The following PDE1A variants were observed in gnomAD, a reference collection of about 807,000 sequenced individuals.
PDE1A encodes dual specificity calcium/calmodulin-dependent 3',5'-cyclic nucleotide phosphodiesterase 1A.
PDE1A carries 35 observed loss-of-function variants against 61.7 expected under a neutral mutation model. That is an observed-to-expected ratio of 0.57 (90% CI 0.43 to 0.75). The LOEUF is 0.75. Ranked by LOEUF, PDE1A falls within the 30% of genes least tolerant of loss-of-function variation. The pLI, the probability that PDE1A is intolerant of heterozygous loss-of-function variation, is 0.00. For synonymous variants in PDE1A, 232 were observed against 213.2 expected, an observed-to-expected ratio of 1.09 and a Z score of -0.77; for missense variants, 597 against 630.6, an observed-to-expected ratio of 0.95 and a Z score of 0.57.
At chr2:182,564,153 T>C in the PDE1A span, among the ~76,000 whole-genome samples, 1 of 152,216 alleles carries the variant, frequency 6.6e-6, no homozygotes, top group South Asian at 2.1e-4. Context: ...CTAGCCTCGA[T>C]GGTCTTTACA....
At chr2:182,536,559 G>C in the PDE1A span, among the ~76,000 whole-genome samples, 1 of 152,150 alleles carries the variant, frequency 6.6e-6, no homozygotes, top group African/African-American at 2.4e-5. Flanking sequence ...TTATATTCTA[G>C]TGATGAAAAC....
the PDE1A span, among the ~76,000 whole-genome samples, chr2:182,714,672 C>T: frequency 1.4e-4 from 22 of 152,116 alleles, 1 homozygote; most frequent in South Asian, 4.2e-3. Flanking sequence ...TCAAGCGATT[C>T]TCTTGACTCC....
chr2:182,358,071 C>T (rs1300918963), intron 1 of PDE1A, among the ~76,000 whole-genome samples: 1 of 152,166 alleles, frequency 6.6e-6, no homozygotes, highest in African/African-American at 2.4e-5. Context: ...AGCCACCTTC[C>T]ATTTTCTAGG....
chr2:182,639,134 G>A, the PDE1A span, among the ~76,000 whole-genome samples: 1 of 152,180 alleles, frequency 6.6e-6, no homozygotes, highest in Non-Finnish European at 1.5e-5. Context: ...ATTTTTCCAT[G>A]AATTTCAGAA....
At chr2:182,359,923 C>T (rs1192150854) in intron 1 of PDE1A, among the ~76,000 whole-genome samples, 6 of 152,104 alleles carry the variant, frequency 3.9e-5, no homozygotes, top group East Asian at 1.9e-4. Context: ...GATGGTCCAA[C>T]GATTTTATAC....
the PDE1A span, among the ~76,000 whole-genome samples, chr2:182,677,114 C>T: frequency 6.6e-6 from 1 of 152,090 alleles, no homozygotes; most frequent in African/African-American, 2.4e-5. Flanking sequence ...GAAGACAGGA[C>T]GTCAAACTAT....
At chr2:182,186,950 T>G (rs1487575361) in intron 11 of PDE1A, among the ~76,000 whole-genome samples, 1 of 152,224 alleles carries the variant, frequency 6.6e-6, no homozygotes, top group Non-Finnish European at 1.5e-5. Context: ...TCATTATCTT[T>G]TTTGAAAGCA....
the PDE1A span, among the ~76,000 whole-genome samples, chr2:182,568,260 CTT>C: frequency 6.6e-6 from 1 of 151,970 alleles, no homozygotes; most frequent in African/African-American, 2.4e-5. Flanking sequence ...CATTTATAAA[CTT>C]AAGAAAAAAA....
chr2:182,279,233 G>A (rs1693642259), intron 1 of PDE1A, among the ~76,000 whole-genome samples: 1 of 151,902 alleles, frequency 6.6e-6, no homozygotes, highest in Non-Finnish European at 1.5e-5. Context: ...ACGGTCTGTA[G>A]TAGGAGAAAA....
chr2:182,287,025 T>A (rs962188966), intron 1 of PDE1A, among the ~76,000 whole-genome samples: 1 of 152,120 alleles, frequency 6.6e-6, no homozygotes, highest in African/African-American at 2.4e-5. Flanking sequence ...CCAAACTCCT[T>A]ACCTTGACTT....
chr2:182,623,821 CA>C, the PDE1A span, among the ~76,000 whole-genome samples: 1 of 152,068 alleles, frequency 6.6e-6, no homozygotes, highest in Admixed American at 6.6e-5. Context: ...GAACATTATA[CA>C]AACCCTTTAG....
chr2:182,300,618 C>A (rs1332614930), intron 1 of PDE1A, among the ~76,000 whole-genome samples: 1 of 152,022 alleles, frequency 6.6e-6, no homozygotes, highest in African/African-American at 2.4e-5. Flanking sequence ...TTGGAAAAAG[C>A]AAGATTGGAA....
At chr2:182,704,047 CA>C in the PDE1A span, among the ~76,000 whole-genome samples, 101,258 of 143,078 alleles carry the variant, frequency 0.71, 35,872 homozygotes, top group African/African-American at 0.83. Flanking sequence ...CTAAAAATTA[CA>C]AAAAAAAAAA....
chr2:182,622,481 T>G, the PDE1A span, among the ~76,000 whole-genome samples: 1 of 152,334 alleles, frequency 6.6e-6, no homozygotes. Flanking sequence ...AAGTAAGTTC[T>G]TAGCAAGCCA....
intron 1 of PDE1A, among the ~76,000 whole-genome samples, chr2:182,274,304 A>G (rs1469638): frequency 6.6e-5 from 10 of 152,304 alleles, no homozygotes; most frequent in Admixed American, 6.5e-4. Flanking sequence ...AAAATGCACT[A>G]GCAGAGAAGA....
upstream of PDE1A, among the ~76,000 whole-genome samples, chr2:182,525,513 G>C (rs192361310): frequency 6.6e-6 from 1 of 152,126 alleles, no homozygotes; most frequent in African/African-American, 2.4e-5. Flanking sequence ...GGCCTGGTGG[G>C]AGGTGATTGG....
chr2:182,439,841 A>G (rs188455997), intron 2 of PDE1A, among the ~76,000 whole-genome samples: 104 of 152,242 alleles, frequency 6.8e-4, no homozygotes, highest in African/African-American at 2.3e-3. Context: ...GAAAAAGTAC[A>G]TATGGCTACC....
intron 1 of PDE1A, among the ~76,000 whole-genome samples, chr2:182,319,377 T>C (rs1405715596): frequency 6.6e-6 from 1 of 152,182 alleles, no homozygotes; most frequent in East Asian, 1.9e-4. Flanking sequence ...AATCCCTGTT[T>C]AACCTTTTGT....
At chr2:182,455,883 G>T (rs967167846) in intron 2 of PDE1A, among the ~76,000 whole-genome samples, 1 of 150,764 alleles carries the variant, frequency 6.6e-6, no homozygotes, top group African/African-American at 2.4e-5. Context: ...TTGTGCACAT[G>T]TACCCTAAAA....
Sources: gnomAD v4.1 joint callset for allele counts (sites outside exome capture counted in the v4.1 genomes callset) on GRCh38, gnomAD v4.1.1 for gene constraint, MANE v1.5 for transcripts, NCBI Gene and HGNC (gene_info 2026-07-23, HGNC 2026-07-21) for gene names.